PPHLN1: variants seen among roughly 807,000 people sequenced by gnomAD.
PPHLN1 encodes periphilin-1.
Under a neutral mutation model 51.3 loss-of-function variants are expected in PPHLN1, and 29 were observed. The ratio of observed to expected loss-of-function variants is 0.57; its 90% confidence interval spans 0.42 to 0.77. The LOEUF (loss-of-function observed/expected upper bound fraction) is 0.77, where lower values mean the gene tolerates loss of function less well. PPHLN1 is among the 30% of genes least tolerant of loss of function. PPHLN1 has a pLI of 0.00. For missense variants in PPHLN1, 436 were observed against 438.4 expected (o/e 0.99, Z 0.05); for synonymous variants, 147 against 147.8 (o/e 0.99, Z 0.04).
downstream of PPHLN1, chr12:42,443,799 G>A (rs1003284126): frequency 7.2e-5 from 11 of 152,240 alleles, no homozygotes; most frequent in Admixed American, 5.9e-4. Flanking sequence ...AGTTTCTCAA[G>A]ATTGGCCTAT....
chr12:42,378,986 T>C (rs2076537129), intron 5 of PPHLN1, among the ~76,000 whole-genome samples: 1 of 151,644 alleles, frequency 6.6e-6, no homozygotes, highest in African/African-American at 2.4e-5. Flanking sequence ...TCTCCCTGTG[T>C]ATTATGATAC....
downstream of PPHLN1, chr12:42,445,190 G>A: frequency 1.4e-6 from 1 of 696,942 alleles, no homozygotes; most frequent in Non-Finnish European, 2.6e-6. Flanking sequence ...CTGACCCACT[G>A]GCTTATGGCA....
chr12:42,336,111 T>C, intron 2 of PPHLN1, 137 bp downstream of exon 2: 2 of 467,034 alleles, frequency 4.3e-6, no homozygotes, highest in Non-Finnish European at 7.4e-6. Flanking sequence ...ATCAAGCTTA[T>C]CTTTTAAAAG....
intron 2 of PPHLN1, among the ~76,000 whole-genome samples, 183 bp downstream of exon 2, chr12:42,336,157 A>C (rs1450445929): frequency 6.6e-6 from 1 of 152,208 alleles, no homozygotes; most frequent in Non-Finnish European, 1.5e-5. Flanking sequence ...CATTTTATTT[A>C]AGTAGAAAAC....
At chr12:42,329,270 T>C (rs2069308209) in intron 1 of PPHLN1, among the ~76,000 whole-genome samples, 1 of 151,678 alleles carries the variant, frequency 6.6e-6, no homozygotes, top group Non-Finnish European at 1.5e-5. Flanking sequence ...CCCGGCTAAT[T>C]TTGTTTTTGT....
Position 42,441,781 on chromosome 12 carries a change from A to C in PPHLN1, c.*272A>C, listed in dbSNP as rs1186044819. 1 of 1,124,192 alleles carries C rather than the reference A, an allele frequency of 8.9e-7. No individual in the cohort carries two copies. Among genetic ancestry groups the C allele is most frequent in the Non-Finnish European group, 1.1e-6 (1 of 913,792 alleles). 69.6% of individuals were successfully genotyped at this position (1,124,192 alleles called of 1,614,324 possible). ...GTGATCTGCCTGCCTCAGCCTCTCA[A>C]AGTGTTGAGATTACAGGCGTGAGCC... is the stretch of plus-strand genomic sequence containing the variant. On this transcript the variant is annotated 3_prime_UTR_variant, in exon 10 of 10. Coordinates refer to ENST00000358314, the MANE Select transcript of PPHLN1 (RefSeq NM_201439.2).
rs527366621 is a variant in PPHLN1 at position 42,330,856 on chromosome 12, C to T, written c.-21+4627C>T. Among the ~76,000 whole-genome samples, 8 of 152,224 alleles carry T rather than the reference C, an allele frequency of 5.3e-5. No individual in the cohort carries two copies. In the South Asian group the frequency reaches 1.5e-3, roughly 28 times the overall value. On this transcript the variant is annotated intron_variant, in intron 1 of 9. Transcript: ENST00000358314. ...TCCTGAGTAGCTGGTACTACAGGCA[C>T]GTGCCACCACACCTGGCTAATTTTT...
chr12:42,348,495 T>C (rs1396460468), intron 2 of PPHLN1, among the ~76,000 whole-genome samples: 1 of 152,100 alleles, frequency 6.6e-6, no homozygotes, highest in Non-Finnish European at 1.5e-5. Flanking sequence ...AGTAACTAAG[T>C]GTGATTTGAA....
At chr12:42,394,665 A>G (rs2078040134) in intron 8 of PPHLN1, among the ~76,000 whole-genome samples, 1 of 152,092 alleles carries the variant, frequency 6.6e-6, no homozygotes, top group African/African-American at 2.4e-5. Context: ...AAGTGGGTCA[A>G]GGTTTCCTCC....
intron 7 of PPHLN1, among the ~76,000 whole-genome samples, chr12:42,389,777 G>A (rs1019033792): frequency 6.6e-6 from 1 of 152,126 alleles, no homozygotes; most frequent in African/African-American, 2.4e-5. Context: ...TTGGGGAGTT[G>A]GGAGTGTAGG....
chr12:42,420,190 A>G (rs984435697), intron 9 of PPHLN1, among the ~76,000 whole-genome samples: 2 of 151,864 alleles, frequency 1.3e-5, no homozygotes, highest in African/African-American at 2.4e-5. Flanking sequence ...TGGACTGAAA[A>G]TTTTTCCTTT....
At chr12:42,435,183 G>A (rs945565056) in intron 9 of PPHLN1, among the ~76,000 whole-genome samples, 4 of 152,176 alleles carry the variant, frequency 2.6e-5, no homozygotes, top group African/African-American at 9.7e-5. Flanking sequence ...ATCTTTGGTT[G>A]AATTCTATAT....
intron 4 of PPHLN1, chr12:42,361,727 CATTA>C (rs753848757): frequency 1.3e-5 from 2 of 152,162 alleles, no homozygotes; most frequent in Non-Finnish European, 2.9e-5. Flanking sequence ...AATTCATGAG[CATTA>C]ATTCTATTGA....
chr12:42,442,390 T>C (rs2083032789), downstream of PPHLN1, among the ~76,000 whole-genome samples: 1 of 152,196 alleles, frequency 6.6e-6, no homozygotes, highest in Non-Finnish European at 1.5e-5. Flanking sequence ...TTTGTTTACA[T>C]ATGTCCTCCA....
intron 1 of PPHLN1, among the ~76,000 whole-genome samples, chr12:42,332,882 T>G (rs1202354573): frequency 6.6e-6 from 1 of 152,170 alleles, no homozygotes; most frequent in Non-Finnish European, 1.5e-5. Context: ...GTATATTAAT[T>G]TACATTCATC....
rs1266561437 is a variant in PPHLN1 at position 42,364,051 on chromosome 12, C to T, written c.299+8829C>T. ...CCAGCCTGGCCAACATGGCAAAACC[C>T]TGTCTCTACTAAAAATACAAAAATT... On this transcript the variant is annotated intron_variant, in intron 4 of 9. Coordinates refer to ENST00000358314, the MANE Select transcript of PPHLN1 (RefSeq NM_201439.2). Among the ~76,000 whole-genome samples the T allele has an allele frequency of 5.9e-5, 9 of 152,044 alleles. No homozygotes were observed. The East Asian group carries it at 1.4e-3, about 23-fold the overall frequency.
At chr12:42,430,640 C>T (rs1433668489) in intron 9 of PPHLN1, among the ~76,000 whole-genome samples, 1 of 151,920 alleles carries the variant, frequency 6.6e-6, no homozygotes, top group East Asian at 1.9e-4. Context: ...ATTACAGGCA[C>T]CCACCACCAC....
chr12:42,374,815 G>C (rs199747722), intron 4 of PPHLN1, 48 bp from the exon 5 acceptor site: 1 of 1,430,448 alleles, frequency 7.0e-7, no homozygotes, highest in African/African-American at 1.5e-5. Context: ...CTTGTATATA[G>C]AGGATAGAGT....
At chr12:42,386,132 C>T (rs2077172658) in intron 6 of PPHLN1, among the ~76,000 whole-genome samples, 1 of 152,210 alleles carries the variant, frequency 6.6e-6, no homozygotes, top group African/African-American at 2.4e-5. Context: ...GGGCAGGAGT[C>T]CTCAACCTCT....
Sources: allele counts gnomAD v4.1 joint callset (sites outside exome capture counted in the v4.1 genomes callset), GRCh38; gene constraint gnomAD v4.1.1; transcripts MANE v1.5; gene names NCBI Gene and HGNC (gene_info 2026-07-23, HGNC 2026-07-21).